The following RGS6 variants were observed in gnomAD, a reference collection of about 807,000 sequenced individuals.
The protein encoded by RGS6 is regulator of G-protein signaling 6.
In RGS6, 30 loss-of-function variants were observed where a neutral mutation model predicts 78.5. The ratio of observed to expected loss-of-function variants is 0.38; its 90% confidence interval spans 0.29 to 0.52. The LOEUF is 0.52. RGS6 is among the 20% of genes least tolerant of loss of function. The pLI, the probability that RGS6 is intolerant of heterozygous loss-of-function variation, is 0.85. For synonymous variants in RGS6, 206 were observed against 206.0 expected (o/e 1.00, Z 0.00); for missense variants, 495 against 609.7 (o/e 0.81, Z 1.98).
chr14:72,448,847 C>T (rs2095428750), intron 3 of RGS6, among the ~76,000 whole-genome samples: 3 of 152,132 alleles, frequency 2.0e-5, no homozygotes, highest in Admixed American at 2.0e-4. Context: ...CATGAAATTG[C>T]CTGGATTCCA....
At position 72,091,134 on chromosome 14, in the gene RGS6, C is replaced by CCG. The variant is rs568224857; in HGVS notation, c.84+126259_84+126260insCG. Among the ~76,000 whole-genome samples the CCG allele has an allele frequency of 1.3e-3, 33 of 24,892 alleles. No homozygotes were observed. The South Asian group carries it at 0.029, about 22-fold the overall frequency. 16.3% of individuals were successfully genotyped at this position (24,892 alleles called of 152,430 possible). On this transcript the variant is annotated intron_variant, in intron 2 of 17. Coordinates refer to ENST00000553525, the MANE Select transcript of RGS6 (RefSeq NM_001204424.2). ...CTCCAGGGAGGGGACTTCACACTGG[C>CCG]TGTCTCCACAGATCTGCAGTGCCCT... is the stretch of plus-strand genomic sequence containing the variant.
chr14:72,084,211 G>A (rs1008967634), intron 2 of RGS6, among the ~76,000 whole-genome samples: 3 of 152,050 alleles, frequency 2.0e-5, no homozygotes, highest in Admixed American at 6.6e-5. Context: ...CATAAGGAGT[G>A]GGCAACCTAG....
intron 2 of RGS6, among the ~76,000 whole-genome samples, chr14:72,190,661 G>C (rs2097311873): frequency 6.6e-6 from 1 of 152,242 alleles, no homozygotes; most frequent in Non-Finnish European, 1.5e-5. Context: ...GAGAAGCACA[G>C]AGACTTCTAC....
intron 2 of RGS6, among the ~76,000 whole-genome samples, chr14:71,989,707 C>G (rs1030205884): frequency 3.9e-5 from 6 of 152,140 alleles, no homozygotes; most frequent in Non-Finnish European, 7.4e-5. Flanking sequence ...TCACACTTAC[C>G]TTAGCAGAGG....
rs1180985965 is a variant in RGS6, at chr14:72,114,295, C to T, written c.84+149420C>T. On this transcript the variant is annotated intron_variant, in intron 2 of 17. Transcript: ENST00000553525. Reference sequence around the variant, plus strand: ...GATGTCCCCCACCATTTACTGCAGGCGGGTCTATAGATCCAGTCTCTCCCC... The same window carrying T: ...GATGTCCCCCACCATTTACTGCAGGTGGGTCTATAGATCCAGTCTCTCCCC... 4.6e-5 allele frequency among the ~76,000 whole-genome samples: 7 copies of T among 152,294 alleles called. No homozygotes were observed. In the South Asian group the frequency reaches 6.2e-4, roughly 14 times the overall value.
chr14:71,953,035 G>A (rs1234830573), intron 1 of RGS6, among the ~76,000 whole-genome samples: 1 of 152,104 alleles, frequency 6.6e-6, no homozygotes, highest in African/African-American at 2.4e-5. Flanking sequence ...TGCGAAATAA[G>A]AGAATAATAA....
At chr14:72,137,285 A>C (rs2096459326) in intron 2 of RGS6, among the ~76,000 whole-genome samples, 1 of 152,234 alleles carries the variant, frequency 6.6e-6, no homozygotes, top group Non-Finnish European at 1.5e-5. Flanking sequence ...AGGTAGCAGA[A>C]TATTTAACCC....
intron 2 of RGS6, among the ~76,000 whole-genome samples, chr14:72,280,471 C>T (rs932353406): frequency 6.6e-6 from 1 of 152,190 alleles, no homozygotes; most frequent in African/African-American, 2.4e-5. Context: ...TAGCCTCAGG[C>T]TTGTCACATA....
intron 17 of RGS6, chr14:72,553,428 A>G (rs1358842210): frequency 6.6e-6 from 1 of 152,556 alleles, no homozygotes; most frequent in Non-Finnish European, 1.5e-5. Context: ...TCCAAAATCC[A>G]AAAGAGATGA....
At chr14:72,416,582 C>G (rs1321282208) in intron 3 of RGS6, among the ~76,000 whole-genome samples, 1 of 152,202 alleles carries the variant, frequency 6.6e-6, no homozygotes, top group African/African-American at 2.4e-5. Context: ...TTTAGAGTTT[C>G]AGGCCTTTGG....
In RGS6 at chr14:72,327,620, C is replaced by A. The variant is rs56799756; in HGVS notation, c.85-24475C>A. On this transcript the variant is annotated intron_variant, in intron 2 of 17. Coordinates refer to ENST00000553525, the MANE Select transcript of RGS6 (RefSeq NM_001204424.2). Reference sequence around the variant, plus strand: ...AAAAGTGATGCTTTTTATTCAGAGCCAAGTCTAGATATTCACCAGTCCTTG... The same window carrying A: ...AAAAGTGATGCTTTTTATTCAGAGCAAAGTCTAGATATTCACCAGTCCTTG... Among the ~76,000 whole-genome samples, 300 of 152,254 alleles carry A rather than the reference C, an allele frequency of 2.0e-3. 2 individuals carry two copies. The highest frequency in any genetic ancestry group is 6.7e-3 in the African/African-American group (280 of 41,540).
intron 2 of RGS6, among the ~76,000 whole-genome samples, chr14:71,967,477 G>T (rs182632564): frequency 6.6e-6 from 1 of 152,154 alleles, no homozygotes; most frequent in South Asian, 2.1e-4. Flanking sequence ...TCATCAGTAA[G>T]GGTTGGATTG....
rs146657136 is a variant in RGS6, at chr14:72,422,867, G to C, written c.185-31661G>C. 3.5e-3 allele frequency among the ~76,000 whole-genome samples: 532 copies of C among 152,324 alleles called. 1 individual carries two copies. Among genetic ancestry groups the C allele is most frequent in the African/African-American group, 0.012 (517 of 41,572 alleles). The stretch of plus-strand genomic sequence containing the variant: ...CCAGGGCCCATCTGCAAGTCAAGGA[G>C]CACCGAGGATGCTCAGCAGCAGAGC... On this transcript the variant is annotated intron_variant, in intron 3 of 17. Transcript: ENST00000553525.
At chr14:72,188,963 T>C (rs954881005) in intron 2 of RGS6, among the ~76,000 whole-genome samples, 4 of 152,230 alleles carry the variant, frequency 2.6e-5, no homozygotes, top group African/African-American at 4.8e-5. Flanking sequence ...TGGGTCATTA[T>C]TCAATAGAAC....
intron 14 of RGS6, 55 bp downstream of exon 14, chr14:72,510,334 A>G: frequency 6.2e-7 from 1 of 1,605,786 alleles, no homozygotes. Flanking sequence ...AAATTTGCAT[A>G]ATCGGTCTCT....
chr14:72,269,620 A>G (rs2059632266), intron 2 of RGS6, among the ~76,000 whole-genome samples: 1 of 130,516 alleles, frequency 7.7e-6, no homozygotes, highest in African/African-American at 3.0e-5. Flanking sequence ...TCTGGAGTGC[A>G]GTGGCACAGT....
chr14:72,051,371 C>T lies in RGS6; in HGVS notation c.84+86496C>T, dbSNP rs150973489. 9.2e-3 allele frequency among the ~76,000 whole-genome samples: 1,401 copies of T among 152,002 alleles called. 11 individuals carry two copies. Among genetic ancestry groups the T allele is most frequent in the Middle Eastern group, 0.048 (14 of 294 alleles). On this transcript the variant is annotated intron_variant, in intron 2 of 17. Coordinates refer to ENST00000553525, the MANE Select transcript of RGS6 (RefSeq NM_001204424.2). ...ATTTTGTAATGGTAGGGGTTAGAAT[C>T]CACCAAGAATTTATACAGCCATGGT...
intron 2 of RGS6, among the ~76,000 whole-genome samples, chr14:72,150,928 G>C (rs1356024070): frequency 1.3e-5 from 2 of 152,196 alleles, no homozygotes; most frequent in Non-Finnish European, 2.9e-5. Flanking sequence ...AACAACATTT[G>C]ATCTGTTGAT....
At chr14:72,317,956 A>G (rs1360587186) in intron 2 of RGS6, among the ~76,000 whole-genome samples, 2 of 152,200 alleles carry the variant, frequency 1.3e-5, no homozygotes, top group Admixed American at 1.3e-4. Context: ...CAAAAGACAA[A>G]AACAGAAGTT....
Sources: gnomAD v4.1 joint callset for allele counts (sites outside exome capture counted in the v4.1 genomes callset) on GRCh38, gnomAD v4.1.1 for gene constraint, MANE v1.5 for transcripts, NCBI Gene and HGNC (gene_info 2026-07-23, HGNC 2026-07-21) for gene names.